The following AGAP1 variants were observed in gnomAD, a reference collection of about 807,000 sequenced individuals.
AGAP1 encodes arf-GAP with GTPase, ANK repeat and PH domain-containing protein 1.
AGAP1 carries 29 observed loss-of-function variants against 105.3 expected under a neutral mutation model. The observed-to-expected ratio is 0.28, with a 90% CI of 0.21 to 0.38. The LOEUF (loss-of-function observed/expected upper bound fraction) is 0.38, where lower values mean the gene tolerates loss of function less well. AGAP1 is among the 10% of genes least tolerant of loss of function. AGAP1 has a pLI of 1.00. For missense variants in AGAP1, 998 were observed against 1,165.1 expected (o/e 0.86, Z 2.09); for synonymous variants, 509 against 485.9 (o/e 1.05, Z -0.63).
In AGAP1 at chr2:235,906,292, C is replaced by T. The variant is rs546937416; in HGVS notation, c.1156-2446C>T. ...TGCCGGGGAATGCCCGGCCTTGCCC[C>T]TGCCTCTGAATTTGCCCCACTGTAG... is the stretch of plus-strand genomic sequence containing the variant. On this transcript the variant is annotated intron_variant, in intron 10 of 17. Transcript: ENST00000304032. This position sits in a 1 kb window ranked among gnomAD's most constrained non-coding sequence, Gnocchi z 5.3. Among the ~76,000 whole-genome samples, 1 of 152,350 alleles carries T rather than the reference C, an allele frequency of 6.6e-6. No individual in the cohort carries two copies. The highest frequency in any genetic ancestry group is 1.9e-4 in the East Asian group (1 of 5,170).
At chr2:235,742,604 C>T (rs573903671) in intron 4 of AGAP1, among the ~76,000 whole-genome samples, 19 of 152,284 alleles carry the variant, frequency 1.2e-4, no homozygotes, top group African/African-American at 4.1e-4. Flanking sequence ...TCCTATCAGT[C>T]AGATGCTGAT....
rs761318652 is a variant in AGAP1, at chr2:235,728,403, T to G, written c.310+10759T>G. The stretch of plus-strand genomic sequence containing the variant: ...GCAAAAGATGACAGTTTCATATGAT[T>G]CCAATGGCTTAAACTAACAAATTCA... On this transcript the variant is annotated intron_variant, in intron 3 of 17. Coordinates refer to ENST00000304032, the MANE Select transcript of AGAP1 (RefSeq NM_001037131.3). The surrounding 1 kb of genome is among the most constrained non-coding windows in gnomAD (Gnocchi z 4.3). Among the ~76,000 whole-genome samples the G allele has an allele frequency of 1.3e-5, 2 of 152,100 alleles. No individual in the cohort carries two copies. Among genetic ancestry groups the G allele is most frequent in the Non-Finnish European group, 2.9e-5 (2 of 68,032 alleles).
intron 2 of AGAP1, among the ~76,000 whole-genome samples, chr2:235,717,279 T>A (rs1951164631): frequency 6.6e-6 from 1 of 152,184 alleles, no homozygotes; most frequent in Non-Finnish European, 1.5e-5. Context: ...ATGTAAACAA[T>A]GTGCTTGTTT....
intron 16 of AGAP1, among the ~76,000 whole-genome samples, chr2:236,116,582 CA>C (rs1166281636): frequency 1.3e-5 from 2 of 152,064 alleles, no homozygotes; most frequent in Non-Finnish European, 2.9e-5. Context: ...CTCCTGACCT[CA>C]AGAGAACCAC....
At chr2:235,941,855 G>GC (rs907407387) in intron 12 of AGAP1, among the ~76,000 whole-genome samples, 1 of 151,298 alleles carries the variant, frequency 6.6e-6, no homozygotes, top group South Asian at 2.1e-4. Flanking sequence ...TTGTTGGGGG[G>GC]GTAAGAAGGG....
rs2049785570 is a variant in AGAP1, at chr2:235,877,132, A to ACCACG, written c.1051-6210_1051-6206dup. Among the ~76,000 whole-genome samples, 1 of 152,108 alleles carries ACCACG rather than the reference A, an allele frequency of 6.6e-6. No homozygotes were observed. Among genetic ancestry groups the ACCACG allele is most frequent in the Non-Finnish European group, 1.5e-5 (1 of 68,012 alleles). Reference sequence around the variant, plus strand: ...AGTGCTGGAATTACAGGCATGAGCCACCACGCCCTGCCAGAGCCATTTAAA... The same window carrying ACCACG: ...AGTGCTGGAATTACAGGCATGAGCCACCACGCCACGCCCTGCCAGAGCCATTTAAA... On this transcript the variant is annotated intron_variant, in intron 9 of 17. Transcript: ENST00000304032. The surrounding 1 kb of genome is among the most constrained non-coding windows in gnomAD (Gnocchi z 4.3).
intron 12 of AGAP1, among the ~76,000 whole-genome samples, chr2:235,946,487 A>C (rs973511455): frequency 2.3e-4 from 35 of 151,964 alleles, no homozygotes; most frequent in African/African-American, 8.4e-4. Context: ...TTTCCACTTA[A>C]ACATGTAATA....
At position 235,517,812 on chromosome 2, in the gene AGAP1, C is replaced by T. The variant is rs1479238048; in HGVS notation, c.163+22963C>T. Among the ~76,000 whole-genome samples the T allele has an allele frequency of 1.3e-5, 2 of 151,724 alleles. No homozygotes were observed. Among genetic ancestry groups the T allele is most frequent in the East Asian group, 2.0e-4 (1 of 5,126 alleles). Reference sequence around the variant, plus strand: ...ATTAGTCAGACATGGTGGCGTGTGCCTGTAACCCCAGCTACACGGGAGGCT... The same window carrying T: ...ATTAGTCAGACATGGTGGCGTGTGCTTGTAACCCCAGCTACACGGGAGGCT... On this transcript the variant is annotated intron_variant, in intron 1 of 17. Transcript: ENST00000304032. The surrounding 1 kb of genome is among the most constrained non-coding windows in gnomAD (Gnocchi z 4.1).
chr2:235,940,370 A>T (rs1416364544), intron 12 of AGAP1, among the ~76,000 whole-genome samples: 8 of 151,976 alleles, frequency 5.3e-5, no homozygotes, highest in Non-Finnish European at 5.9e-5. Flanking sequence ...CACTCCCCAC[A>T]CCCACTCCAG....
intron 1 of AGAP1, among the ~76,000 whole-genome samples, chr2:235,636,155 A>ATAAATAAATAAG (rs397778361): frequency 2.0e-5 from 3 of 151,062 alleles, no homozygotes; most frequent in African/African-American, 7.3e-5. Flanking sequence ...AAATAAATAA[A>ATAAATAAATAAG]GTCTCATCTT....
At chr2:235,527,750 A>G (rs973347460) in intron 1 of AGAP1, among the ~76,000 whole-genome samples, 2 of 152,284 alleles carry the variant, frequency 1.3e-5, no homozygotes, top group African/African-American at 2.4e-5. Flanking sequence ...CAGGGTGGAA[A>G]AAAATGCCCA....
At chr2:235,676,989 A>G (rs1948776279) in intron 1 of AGAP1, among the ~76,000 whole-genome samples, 1 of 152,118 alleles carries the variant, frequency 6.6e-6, no homozygotes, top group African/African-American at 2.4e-5. Flanking sequence ...TCTGCCCTTG[A>G]TTGTTTTGGT....
chr2:235,642,162 C>T lies in AGAP1; in HGVS notation c.164-67017C>T, dbSNP rs1947219890. On this transcript the variant is annotated intron_variant, in intron 1 of 17. Transcript: ENST00000304032. The surrounding 1 kb of genome is among the most constrained non-coding windows in gnomAD (Gnocchi z 4.1). ...CCATCCACGGAGTGCGGCGCCTGCT[C>T]GACTTGGCCTTCTGGCACTGGGGAT... 1.3e-5 allele frequency among the ~76,000 whole-genome samples: 2 copies of T among 152,212 alleles called. No individual in the cohort carries two copies. Among genetic ancestry groups the T allele is most frequent in the Non-Finnish European group, 1.5e-5 (1 of 68,044 alleles).
chr2:235,562,298 A>G (rs1049264275), intron 1 of AGAP1, among the ~76,000 whole-genome samples: 2 of 152,084 alleles, frequency 1.3e-5, no homozygotes, highest in African/African-American at 2.4e-5. Flanking sequence ...ATAGCACGTG[A>G]TTATACTTTT....
At chr2:236,049,460 A>C in intron 16 of AGAP1, 179 bp downstream of exon 16, 1 of 562,596 alleles carries the variant, frequency 1.8e-6, no homozygotes, top group South Asian at 2.6e-5. Flanking sequence ...AGACGTGGAT[A>C]ATTCACACTC....
chr2:235,666,918 C>T (rs893665680), intron 1 of AGAP1, among the ~76,000 whole-genome samples: 1 of 151,986 alleles, frequency 6.6e-6, no homozygotes, highest in Admixed American at 6.6e-5. Flanking sequence ...TTGACCTCCC[C>T]CTCCCACACC....
intron 9 of AGAP1, among the ~76,000 whole-genome samples, chr2:235,870,512 T>C (rs1250460158): frequency 6.6e-6 from 1 of 151,806 alleles, no homozygotes; most frequent in Non-Finnish European, 1.5e-5. Flanking sequence ...TGTAATCCCA[T>C]CTACTTCGGA....
In AGAP1 at chr2:235,877,544, AGAGT is replaced by A. The variant is rs138590117; in HGVS notation, c.1051-5794_1051-5791del. Reference sequence around the variant, plus strand: ...CTTCCCCGGGGGTTAACTTGTTCTCAGAGTGAGTGATTTACATGTTGCGTCTCCC... The same window carrying A: ...CTTCCCCGGGGGTTAACTTGTTCTCAGAGTGATTTACATGTTGCGTCTCCC... On this transcript the variant is annotated intron_variant, in intron 9 of 17. Transcript: ENST00000304032. The surrounding 1 kb of genome is among the most constrained non-coding windows in gnomAD (Gnocchi z 4.3). Among the ~76,000 whole-genome samples the A allele has an allele frequency of 5.0e-3, 756 of 152,260 alleles. 9 individuals carry two copies. The highest frequency in any genetic ancestry group is 0.017 in the African/African-American group (722 of 41,558).
intron 3 of AGAP1, among the ~76,000 whole-genome samples, chr2:235,727,154 G>A (rs959600691): frequency 6.6e-6 from 1 of 152,214 alleles, no homozygotes; most frequent in Non-Finnish European, 1.5e-5. Flanking sequence ...GGTTGGAGGG[G>A]ATGTTTTGAT....
Sources: gnomAD v4.1 joint callset for allele counts (sites outside exome capture counted in the v4.1 genomes callset) on GRCh38, gnomAD v4.1.1 for gene constraint, Gnocchi (gnomAD v3.1) non-coding constraint, MANE v1.5 for transcripts, NCBI Gene and HGNC (gene_info 2026-07-23, HGNC 2026-07-21) for gene names.